The following TTC39B variants were observed in gnomAD, a reference collection of about 807,000 sequenced individuals.
TTC39B encodes tetratricopeptide repeat domain 39B.
TTC39B carries 92 observed loss-of-function variants against 96.6 expected under a neutral mutation model. The ratio of observed to expected loss-of-function variants is 0.95; its 90% confidence interval spans 0.80 to 1.13. TTC39B has a LOEUF of 1.13. Ranked by LOEUF, TTC39B falls within the 50% of genes most tolerant of loss-of-function variation. The probability of loss-of-function intolerance (pLI) is 0.00; values close to 1 mark genes in which losing one functional copy is unlikely to be tolerated. For missense variants in TTC39B, 955 were observed against 809.3 expected, an observed-to-expected ratio of 1.18 and a Z score of -2.18; for synonymous variants, 367 against 299.4, an observed-to-expected ratio of 1.23 and a Z score of -2.33.
chr9:15,288,627 C>G (rs1824066749), intron 1 of TTC39B, among the ~76,000 whole-genome samples: 1 of 152,206 alleles, frequency 6.6e-6, no homozygotes, highest in Non-Finnish European at 1.5e-5. Flanking sequence ...CATGTGCAAC[C>G]TGATTCTTCC....
intron 1 of TTC39B, among the ~76,000 whole-genome samples, chr9:15,276,884 A>G (rs2131573917): frequency 6.6e-6 from 1 of 152,280 alleles, no homozygotes; most frequent in Admixed American, 6.5e-5. Flanking sequence ...ACTTCACAGG[A>G]TATTAAATTC....
At chr9:15,208,915 A>G (rs1384449268) in intron 6 of TTC39B, among the ~76,000 whole-genome samples, 2 of 152,220 alleles carry the variant, frequency 1.3e-5, no homozygotes, top group Admixed American at 1.3e-4. Flanking sequence ...TCCTAATAAA[A>G]CACACTCAAA....
intron 1 of TTC39B, among the ~76,000 whole-genome samples, chr9:15,300,665 C>T (rs1824551044): frequency 6.6e-6 from 1 of 152,202 alleles, no homozygotes; most frequent in Admixed American, 6.5e-5. Context: ...GCAGGTGGAT[C>T]ACCTGAGGTC....
intron 6 of TTC39B, 151 bp downstream of exon 6, chr9:15,209,937 C>A (rs994077836): frequency 3.3e-6 from 2 of 613,104 alleles, no homozygotes; most frequent in African/African-American, 3.9e-5. Flanking sequence ...TCAAAATGAA[C>A]TATTAACAAT....
intron 2 of TTC39B, among the ~76,000 whole-genome samples, chr9:15,247,438 A>C (rs1822328465): frequency 6.6e-6 from 1 of 152,200 alleles, no homozygotes; most frequent in Non-Finnish European, 1.5e-5. Flanking sequence ...CCCTACCCTC[A>C]ATTTTCAAAT....
chr9:15,185,405 GTC>G lies in TTC39B; in HGVS notation c.1488-1_1488del, dbSNP rs1818467507. 1 of 1,613,478 alleles carries G rather than the reference GTC, an allele frequency of 6.2e-7. No individual in the cohort carries two copies. Among genetic ancestry groups the G allele is most frequent in the African/African-American group, 1.3e-5 (1 of 74,864 alleles). On this transcript the variant is annotated splice_acceptor_variant and coding_sequence_variant, in exon 16 of 20. Coordinates refer to ENST00000512701, the Ensembl canonical transcript of TTC39B. LOFTEE classifies it high-confidence loss of function. Reference sequence around the variant, plus strand: ...ATTCTCTGCTTCAAGCTGTCCACCTGTCTGTGAAGAACCCCAGCCCAGCCCCA... The same window carrying G: ...ATTCTCTGCTTCAAGCTGTCCACCTGTGTGAAGAACCCCAGCCCAGCCCCA...
At chr9:15,285,810 G>T (rs181564187) in intron 1 of TTC39B, among the ~76,000 whole-genome samples, 1 of 151,934 alleles carries the variant, frequency 6.6e-6, no homozygotes, top group African/African-American at 2.4e-5. Context: ...AGCCGAGATC[G>T]CGTGACTGCA....
intron 7 of TTC39B, among the ~76,000 whole-genome samples, chr9:15,201,628 C>G (rs1819544639): frequency 6.6e-6 from 1 of 152,134 alleles, no homozygotes; most frequent in Non-Finnish European, 1.5e-5. Flanking sequence ...GCCATGTGTG[C>G]ATATGTAATT....
chr9:15,164,833 T>C (rs954636203), exon 20 of TTC39B: 2 of 152,174 alleles, frequency 1.3e-5, no homozygotes, highest in Non-Finnish European at 2.9e-5. Flanking sequence ...TTCTGGACCA[T>C]ACATATCAGT....
chr9:15,167,864 A>C (rs1817557357), exon 20 of TTC39B: 1 of 152,222 alleles, frequency 6.6e-6, no homozygotes, highest in South Asian at 2.1e-4. Context: ...ATCAAATTAA[A>C]ATCATCATCT....
At chr9:15,197,646 T>C (rs1222043414) in intron 8 of TTC39B, among the ~76,000 whole-genome samples, 1 of 152,040 alleles carries the variant, frequency 6.6e-6, no homozygotes, top group Non-Finnish European at 1.5e-5. Context: ...AAAAAAAAGT[T>C]TGAAAAATTA....
chr9:15,224,836 T>G (rs928991082), intron 3 of TTC39B, among the ~76,000 whole-genome samples: 1 of 152,198 alleles, frequency 6.6e-6, no homozygotes, highest in Non-Finnish European at 1.5e-5. Context: ...TCCTTAGAAG[T>G]TATTTTCACT....
At chr9:15,228,033 A>G (rs1302600596) in intron 2 of TTC39B, among the ~76,000 whole-genome samples, 3 of 152,104 alleles carry the variant, frequency 2.0e-5, no homozygotes, top group African/African-American at 7.2e-5. Flanking sequence ...TTTTTTCCCT[A>G]ATCTTTTGCC....
At chr9:15,302,966 G>C (rs979342650) in intron 1 of TTC39B, among the ~76,000 whole-genome samples, 3 of 152,234 alleles carry the variant, frequency 2.0e-5, no homozygotes, top group Admixed American at 1.3e-4. Context: ...TCAAGAGATC[G>C]AGACCATCCT....
chr9:15,293,656 T>C (rs760619084), intron 1 of TTC39B, among the ~76,000 whole-genome samples: 2 of 152,200 alleles, frequency 1.3e-5, no homozygotes, highest in Non-Finnish European at 2.9e-5. Context: ...CACTAAAATA[T>C]GAGAACCACT....
At chr9:15,202,669 G>A (rs1404177950) in intron 7 of TTC39B, among the ~76,000 whole-genome samples, 1 of 151,144 alleles carries the variant, frequency 6.6e-6, no homozygotes, top group Non-Finnish European at 1.5e-5. Flanking sequence ...CCGAGATCAT[G>A]CCACTGTACT....
chr9:15,236,011 G>A (rs760589858), intron 2 of TTC39B, among the ~76,000 whole-genome samples: 12 of 151,952 alleles, frequency 7.9e-5, no homozygotes, highest in African/African-American at 1.9e-4. Flanking sequence ...TAAAAGATAC[G>A]GAGTAGCAAA....
intron 3 of TTC39B, among the ~76,000 whole-genome samples, chr9:15,219,640 G>C (rs1257585438): frequency 1.3e-5 from 2 of 152,134 alleles, no homozygotes; most frequent in African/African-American, 2.4e-5. Flanking sequence ...TCCCTGAGTA[G>C]GGACTTCACT....
intron 7 of TTC39B, among the ~76,000 whole-genome samples, chr9:15,201,122 T>C (rs1164905011): frequency 6.6e-6 from 1 of 152,224 alleles, no homozygotes; most frequent in Non-Finnish European, 1.5e-5. Context: ...ATTGCTTAAA[T>C]ATTTAATGTT....
Sources: allele counts gnomAD v4.1 joint callset (sites outside exome capture counted in the v4.1 genomes callset), GRCh38; gene constraint gnomAD v4.1.1; transcripts MANE v1.5; gene names NCBI Gene and HGNC (gene_info 2026-07-23, HGNC 2026-07-21).